Variants in PDE4D observed in about 807,000 individuals in gnomAD.
PDE4D encodes phosphodiesterase 4D.
In PDE4D, 24 loss-of-function variants were observed where a neutral mutation model predicts 87.4. That is an observed-to-expected ratio of 0.27 (90% CI 0.20 to 0.39). PDE4D has a LOEUF of 0.39. Among genes scored for constraint, PDE4D ranks in the 10% least tolerant of loss-of-function variants. The pLI, the probability that PDE4D is intolerant of heterozygous loss-of-function variation, is 1.00. For synonymous variants in PDE4D, 384 were observed against 383.2 expected, an observed-to-expected ratio of 1.00 and a Z score of -0.02; for missense variants, 714 against 1,041.0, an observed-to-expected ratio of 0.69 and a Z score of 4.32.
At chr5:60,140,146 C>G (rs928071431) in intron 2 of PDE4D, among the ~76,000 whole-genome samples, 1 of 151,934 alleles carries the variant, frequency 6.6e-6, no homozygotes, top group Non-Finnish European at 1.5e-5. Context: ...TTTCTTGAAG[C>G]AATTAATTGT....
chr5:59,018,938 C>CGT (rs1754562086), intron 6 of PDE4D, among the ~76,000 whole-genome samples: 1 of 144,750 alleles, frequency 6.9e-6, no homozygotes. Context: ...AATCCTGCCC[C>CGT]CTCTTTTTTT....
intron 1 of PDE4D, among the ~76,000 whole-genome samples, chr5:60,274,737 G>C (rs1428396360): frequency 6.6e-6 from 1 of 152,208 alleles, no homozygotes; most frequent in Admixed American, 6.5e-5. Context: ...AAACCAAGCA[G>C]AGATCATTCA....
intron 1 of PDE4D, among the ~76,000 whole-genome samples, chr5:60,230,351 A>C (rs1390022697): frequency 6.6e-6 from 1 of 152,110 alleles, no homozygotes; most frequent in Non-Finnish European, 1.5e-5. Flanking sequence ...CTGAAGAAAA[A>C]ACAAGTCCCC....
chr5:60,492,633 A>G (rs1334703327), upstream of PDE4D, among the ~76,000 whole-genome samples: 11 of 152,164 alleles, frequency 7.2e-5, no homozygotes, highest in Admixed American at 7.2e-4. Context: ...TCAGCAAACT[A>G]TCACAAGGAC....
At chr5:59,962,906 T>C (rs941207240) in intron 3 of PDE4D, among the ~76,000 whole-genome samples, 2 of 152,192 alleles carry the variant, frequency 1.3e-5, no homozygotes, top group African/African-American at 4.8e-5. Flanking sequence ...TTTTTGCTCT[T>C]AAAGGGAATT....
At chr5:59,329,283 G>GC (rs1020860197) in intron 1 of PDE4D, among the ~76,000 whole-genome samples, 1 of 152,130 alleles carries the variant, frequency 6.6e-6, no homozygotes, top group African/African-American at 2.4e-5. Flanking sequence ...TTGATTCAGA[G>GC]CCCCCAAATC....
intron 1 of PDE4D, among the ~76,000 whole-genome samples, chr5:60,186,848 T>A (rs1784822031): frequency 6.6e-6 from 1 of 152,134 alleles, no homozygotes; most frequent in Admixed American, 6.5e-5. Context: ...TATCATTTTT[T>A]AAAAAAACAT....
chr5:59,271,679 T>A (rs965013774), intron 1 of PDE4D, among the ~76,000 whole-genome samples: 7 of 152,002 alleles, frequency 4.6e-5, no homozygotes, highest in Non-Finnish European at 8.8e-5. Context: ...ATTCAGAAAA[T>A]TGTATCCAAC....
At chr5:59,519,805 T>G (rs1193370485) in intron 1 of PDE4D, among the ~76,000 whole-genome samples, 1 of 152,082 alleles carries the variant, frequency 6.6e-6, no homozygotes, top group Non-Finnish European at 1.5e-5. Flanking sequence ...GGAGGGTATT[T>G]CCATTAATTT....
At chr5:60,181,956 C>T (rs1042777232) in intron 2 of PDE4D, among the ~76,000 whole-genome samples, 2 of 152,084 alleles carry the variant, frequency 1.3e-5, no homozygotes, top group African/African-American at 4.8e-5. Context: ...CTGTACCTTT[C>T]CTTCCCTCCC....
chr5:60,158,996 TA>T (rs1479843832), intron 2 of PDE4D, among the ~76,000 whole-genome samples: 1 of 152,264 alleles, frequency 6.6e-6, no homozygotes, highest in Non-Finnish European at 1.5e-5. Context: ...ATGCTCAGCT[TA>T]AAACACCAAC....
intron 1 of PDE4D, among the ~76,000 whole-genome samples, chr5:59,628,211 C>T (rs1831132916): frequency 6.6e-6 from 1 of 152,084 alleles, no homozygotes; most frequent in Non-Finnish European, 1.5e-5. Context: ...CCCAATACAC[C>T]TGGTACCATA....
At chr5:59,464,249 C>T (rs368295423) in intron 1 of PDE4D, among the ~76,000 whole-genome samples, 1 of 152,182 alleles carries the variant, frequency 6.6e-6, no homozygotes, top group East Asian at 1.9e-4. Flanking sequence ...GGAAGGCATG[C>T]CTCTTGCAGT....
chr5:59,172,388 A>T (rs1007314132), intron 5 of PDE4D, among the ~76,000 whole-genome samples: 4 of 137,930 alleles, frequency 2.9e-5, no homozygotes, highest in Non-Finnish European at 4.6e-5. Flanking sequence ...TATTTATATA[A>T]ATATATATAT....
At chr5:60,499,843 T>G (rs1749986250) in intron 1 of PDE4D, among the ~76,000 whole-genome samples, 2 of 152,186 alleles carry the variant, frequency 1.3e-5, no homozygotes, top group South Asian at 4.1e-4. Context: ...TTATGGTATA[T>G]TTCTCTCCTC....
At chr5:59,415,310 T>G (rs1371433939) in intron 1 of PDE4D, among the ~76,000 whole-genome samples, 3 of 152,186 alleles carry the variant, frequency 2.0e-5, no homozygotes. Flanking sequence ...GAAAAAGGTG[T>G]GCTCAGGTGA....
chr5:60,447,838 T>C lies in PDE4D; in HGVS notation c.-90+40104A>G, dbSNP rs959450022. Among the ~76,000 whole-genome samples, 26 of 152,286 alleles carry C rather than the reference T, an allele frequency of 1.7e-4. No homozygotes were observed. In the East Asian group the frequency reaches 2.1e-3, roughly 12 times the overall value. Reference sequence around the variant, plus strand: ...AGAAGTTGCTTTCAACAGTGCCTAATTGGTTTCAGCAGAATTACCGTTACT... The same window carrying C: ...AGAAGTTGCTTTCAACAGTGCCTAACTGGTTTCAGCAGAATTACCGTTACT... On this transcript the variant is annotated intron_variant, in intron 1 of 16. Transcript: ENST00000502484.
At chr5:60,263,003 A>G (rs1749807605) in intron 1 of PDE4D, among the ~76,000 whole-genome samples, 1 of 152,238 alleles carries the variant, frequency 6.6e-6, no homozygotes, top group Admixed American at 6.5e-5. Context: ...ACTACATATT[A>G]TAAACAAAAA....
chr5:59,241,776 G>A (rs1189626455), intron 1 of PDE4D, among the ~76,000 whole-genome samples: 1 of 152,030 alleles, frequency 6.6e-6, no homozygotes, highest in Non-Finnish European at 1.5e-5. Context: ...TGTATTTTAA[G>A]GTATCCTATT....
Sources: allele counts gnomAD v4.1 joint callset (sites outside exome capture counted in the v4.1 genomes callset), GRCh38; gene constraint gnomAD v4.1.1; transcripts MANE v1.5; gene names NCBI Gene and HGNC (gene_info 2026-07-23, HGNC 2026-07-21).